The following EGFL7 variants were observed in gnomAD, a reference collection of about 807,000 sequenced individuals.
The protein encoded by EGFL7 is EGF like domain multiple 7.
EGFL7 carries 48 observed loss-of-function variants against 37.1 expected under a neutral mutation model. The ratio of observed to expected loss-of-function variants is 1.29; its 90% CI spans 1.03 to 1.65. EGFL7 has a LOEUF of 1.65. Ranked by LOEUF, EGFL7 falls within the 40% of genes most tolerant of loss-of-function variation. The pLI is 0.00. For missense variants in EGFL7, 384 were observed against 378.9 expected, an observed-to-expected ratio of 1.01 and a Z score of -0.11; for synonymous variants, 180 against 156.8, an observed-to-expected ratio of 1.15 and a Z score of -1.10.
intron 3 of EGFL7, chr9:136,665,661 C>G (rs1211907453): frequency 1.5e-4 from 23 of 150,826 alleles, no homozygotes; most frequent in Admixed American, 1.4e-3. Context: ...GGCAGCTCGT[C>G]CGCCGCGGGG....
upstream of EGFL7, chr9:136,662,808 TC>T (rs1477935441): frequency 2.6e-5 from 4 of 152,020 alleles, no homozygotes; most frequent in Admixed American, 6.5e-5. Flanking sequence ...CGACGACACG[TC>T]CCCGTTATCA....
rs371572647 is a variant in EGFL7 at position 136,668,645 on chromosome 9, G to A, written c.169G>A (p.Asp57Asn). 1.8e-5 allele frequency: 29 copies of A among 1,604,606 alleles called. No individual in the cohort carries two copies. The highest frequency in any genetic ancestry group is 3.3e-5 in the Admixed American group (2 of 60,004). ...RVYQPFLTTC[D>N]GHRACSTYRT... ...GTACCAGCCCTTCCTCACCACCTGCGACGGGCACCGGGCCTGCAGCACCTA... is the reference window on the plus strand; with the variant it reads ...GTACCAGCCCTTCCTCACCACCTGCAACGGGCACCGGGCCTGCAGCACCTA... Residue 57 changes from aspartate (D) to asparagine (N), a missense_variant, in exon 5 of 11, where the codon GAC becomes AAC. Transcript: ENST00000308874.
At chr9:136,671,370 C>T (rs566236995) in intron 9 of EGFL7, among the ~76,000 whole-genome samples, 20 of 152,086 alleles carry the variant, frequency 1.3e-4, no homozygotes, top group African/African-American at 3.9e-4. Flanking sequence ...GGCCCAGGCC[C>T]GGGTACAGGC....
At chr9:136,661,923 C>T (rs938839865), upstream of EGFL7, among the ~76,000 whole-genome samples, 3 of 152,190 alleles carry the variant, frequency 2.0e-5, no homozygotes, top group East Asian at 1.9e-4. Flanking sequence ...CCACGGACAG[C>T]GGGGTTGGGA....
chr9:136,669,194 C>G (rs1351516530), intron 5 of EGFL7, among the ~76,000 whole-genome samples: 6 of 152,222 alleles, frequency 3.9e-5, no homozygotes, highest in African/African-American at 1.4e-4. Flanking sequence ...CCACCCCCTG[C>G]TGGGGGAGGG....
At chr9:136,659,228 C>T (rs1844992603), upstream of EGFL7, 1 of 152,298 alleles carries the variant, frequency 6.6e-6, no homozygotes. Flanking sequence ...CAGACGGCTC[C>T]TCTGCCCGCA....
Position 136,670,738 on chromosome 9 carries a change from C to G in EGFL7, c.572-212C>G, listed in dbSNP as rs902239465. ...CAGCCTTGACCTCCCTCAGCGTGGC[C>G]GGGACCCTGAGCCTCTGCGCAGAGC... On this transcript the variant is annotated intron_variant, in intron 8 of 10. Transcript: ENST00000308874. 29 of 745,448 alleles carry G rather than the reference C, an allele frequency of 3.9e-5. 1 individual carries two copies. Among genetic ancestry groups the G allele is most frequent in the South Asian group, 3.8e-4 (27 of 70,600 alleles). 46.2% of individuals were successfully genotyped at this position (745,448 alleles called of 1,614,324 possible). A position where few individuals can be genotyped will look rare whatever the true frequency, so the allele number is the denominator to read the frequency against.
chr9:136,668,862 C>T (rs1430452630), intron 5 of EGFL7, among the ~76,000 whole-genome samples, 189 bp downstream of exon 5: 1 of 152,150 alleles, frequency 6.6e-6, no homozygotes, highest in Non-Finnish European at 1.5e-5. Context: ...CGATCACCTC[C>T]AGTGTCCTAA....
At chr9:136,667,045 C>G (rs1845523838) in intron 3 of EGFL7, among the ~76,000 whole-genome samples, 1 of 152,204 alleles carries the variant, frequency 6.6e-6, no homozygotes, top group African/African-American at 2.4e-5. Flanking sequence ...CCCAGCCACC[C>G]TCCCCGCTGG....
chr9:136,662,651 CCAGGGTCTCCAG>C (rs748880657), upstream of EGFL7, among the ~76,000 whole-genome samples: 17 of 152,202 alleles, frequency 1.1e-4, no homozygotes, highest in Non-Finnish European at 2.1e-4. Context: ...CACACTCTCC[CCAGGGTCTCCAG>C]CAGGGTCCAG....
rs531500274 is a variant in EGFL7, at chr9:136,672,141, C to T, written c.799+53C>T. Reference sequence around the variant, plus strand: ...CCTCCCGGGTCTGGGCCCAGTGGGCCTAGAGGGGCTACCCAGGCTTGGGGG... The same window carrying T: ...CCTCCCGGGTCTGGGCCCAGTGGGCTTAGAGGGGCTACCCAGGCTTGGGGG... On this transcript the variant is annotated intron_variant, in intron 10 of 10. Transcript: ENST00000308874. 18 of 1,569,578 alleles carry T rather than the reference C, an allele frequency of 1.1e-5. 1 individual carries two copies. The South Asian group carries it at 2.0e-4, about 17-fold the overall frequency.
intron 9 of EGFL7, among the ~76,000 whole-genome samples, chr9:136,671,589 C>T (rs1336835257): frequency 1.3e-5 from 2 of 151,502 alleles, no homozygotes; most frequent in African/African-American, 2.4e-5. Context: ...ATACACAGAG[C>T]CTGGACCCAG....
At chr9:136,670,743 C>T in intron 8 of EGFL7, 2 of 741,396 alleles carry the variant, frequency 2.7e-6, no homozygotes, top group Non-Finnish European at 5.0e-6. Flanking sequence ...GTGGCCGGGA[C>T]CCTGAGCCTC....
chr9:136,670,709 AC>A, intron 8 of EGFL7: 1 of 768,168 alleles, frequency 1.3e-6, no homozygotes, highest in Admixed American at 1.7e-5. Context: ...CGCCGCTGAG[AC>A]CTCAGCCTTG....
At chr9:136,665,778 G>T (rs1016877078) in intron 3 of EGFL7, 35 of 146,780 alleles carry the variant, frequency 2.4e-4, no homozygotes, top group African/African-American at 8.1e-4. Context: ...GCGGGCTCGG[G>T]CGGCAGTGGC....
At chr9:136,663,141 G>C (rs1167827098) in intron 1 of EGFL7, 33 bp downstream of exon 1, 1 of 152,554 alleles carries the variant, frequency 6.6e-6, no homozygotes, top group African/African-American at 2.4e-5. Flanking sequence ...GGGGCAGGGA[G>C]CGGACAGGGC....
chr9:136,668,800 A>C (rs1486701852), intron 5 of EGFL7, 127 bp downstream of exon 5: 1 of 903,700 alleles, frequency 1.1e-6, no homozygotes, highest in East Asian at 2.4e-5. Context: ...CAGAGCCATG[A>C]GAGGGCTGCC....
intron 5 of EGFL7, 67 bp downstream of exon 5, chr9:136,668,740 C>A: frequency 7.5e-7 from 1 of 1,336,630 alleles, no homozygotes; most frequent in Non-Finnish European, 1.1e-6. Context: ...ATCAGCATGT[C>A]AGGGGCGAGG....
chr9:136,662,447 G>A (rs1268510324), upstream of EGFL7, among the ~76,000 whole-genome samples: 2 of 152,226 alleles, frequency 1.3e-5, no homozygotes, highest in African/African-American at 2.4e-5. Context: ...CAAGGCTCCT[G>A]TGTGGCTGGT....
Sources: gnomAD v4.1 joint callset for allele counts (sites outside exome capture counted in the v4.1 genomes callset) on GRCh38, gnomAD v4.1.1 for gene constraint, MANE v1.5 for transcripts, NCBI Gene and HGNC (gene_info 2026-07-23, HGNC 2026-07-21) for gene names.